The following SKAP1 variants were observed in gnomAD, a reference collection of about 807,000 sequenced individuals.
SKAP1 encodes the protein src kinase associated phosphoprotein 1, also known as src kinase-associated phosphoprotein 1.
In SKAP1, 44 loss-of-function variants were observed where a neutral mutation model predicts 58.5. The ratio of observed to expected loss-of-function variants is 0.75; its 90% CI spans 0.59 to 0.97. The LOEUF is 0.97. Ranked by LOEUF, SKAP1 falls within the 50% of genes least tolerant of loss-of-function variation. The pLI, the probability that SKAP1 is intolerant of heterozygous loss-of-function variation, is 0.00. For missense variants in SKAP1, 390 were observed against 435.2 expected, an observed-to-expected ratio of 0.90 and a Z score of 0.92; for synonymous variants, 127 against 149.7, an observed-to-expected ratio of 0.85 and a Z score of 1.11.
intron 4 of SKAP1, among the ~76,000 whole-genome samples, chr17:48,243,605 T>G (rs2065264473): frequency 6.6e-6 from 1 of 152,174 alleles, no homozygotes; most frequent in Admixed American, 6.5e-5. Flanking sequence ...TTGTGCTGAT[T>G]GTTTGAGCAT....
intron 4 of SKAP1, among the ~76,000 whole-genome samples, chr17:48,221,170 G>A (rs1194696522): frequency 6.6e-6 from 1 of 151,940 alleles, no homozygotes; most frequent in African/African-American, 2.4e-5. Context: ...AGGAGGCTGA[G>A]GCAGGAGAAG....
At position 48,291,412 on chromosome 17, in the gene SKAP1, A is replaced by G. The variant is rs186432640; in HGVS notation, c.280+54493T>C. Among the ~76,000 whole-genome samples, 53 of 152,286 alleles carry G rather than the reference A, an allele frequency of 3.5e-4. No homozygotes were observed. The East Asian group carries it at 9.3e-3, about 27-fold the overall frequency. On this transcript the variant is annotated intron_variant, in intron 4 of 12. Coordinates refer to ENST00000336915, the MANE Select transcript of SKAP1 (RefSeq NM_003726.4). The stretch of plus-strand genomic sequence containing the variant: ...CTGCCTCATCTATTCTGCTTCATCT[A>G]TTCTCTTGCTGAGGACATTCTATAT...
chr17:48,439,744 C>A, the SKAP1 span, among the ~76,000 whole-genome samples: 1 of 152,184 alleles, frequency 6.6e-6, no homozygotes, highest in East Asian at 1.9e-4. Flanking sequence ...GGGGCTTCCC[C>A]AGCTCCATAT....
At chr17:48,146,264 G>A (rs1252314247) in intron 11 of SKAP1, among the ~76,000 whole-genome samples, 5 of 151,986 alleles carry the variant, frequency 3.3e-5, no homozygotes, top group East Asian at 1.9e-4. Flanking sequence ...AGGCTAAGGC[G>A]GGTGGATCAC....
intron 10 of SKAP1, 82 bp from the exon 11 acceptor site, chr17:48,162,651 AG>A: frequency 2.9e-6 from 3 of 1,042,468 alleles, no homozygotes; most frequent in Non-Finnish European, 4.4e-6. Context: ...AATGGAAACC[AG>A]GGTTCTGATA....
intron 4 of SKAP1, among the ~76,000 whole-genome samples, chr17:48,336,114 T>C (rs985457249): frequency 3.3e-5 from 5 of 152,122 alleles, no homozygotes; most frequent in African/African-American, 1.2e-4. Context: ...TCTTTCAAGG[T>C]CTATAAAACC....
chr17:48,270,310 C>A (rs769026327), intron 4 of SKAP1, among the ~76,000 whole-genome samples: 22 of 152,090 alleles, frequency 1.4e-4, no homozygotes, highest in Non-Finnish European at 2.8e-4. Context: ...AAAATCAAGT[C>A]AGTCTTTAAA....
At chr17:48,202,955 G>C (rs952287474) in intron 4 of SKAP1, among the ~76,000 whole-genome samples, 1 of 152,142 alleles carries the variant, frequency 6.6e-6, no homozygotes. Context: ...ATCGGGATGA[G>C]GCAAAGCATC....
At chr17:48,180,683 G>C (rs934593768) in intron 8 of SKAP1, among the ~76,000 whole-genome samples, 3 of 152,226 alleles carry the variant, frequency 2.0e-5, no homozygotes, top group African/African-American at 7.2e-5. Context: ...TCTGTAGGGT[G>C]CTGGAGCTGT....
At chr17:48,419,923 GC>G (rs1180443538) in intron 1 of SKAP1, among the ~76,000 whole-genome samples, 1 of 152,190 alleles carries the variant, frequency 6.6e-6, no homozygotes, top group Non-Finnish European at 1.5e-5. Context: ...AGGAAGACTT[GC>G]TATCTGGATG....
chr17:48,232,221 C>T (rs185088158), intron 4 of SKAP1, among the ~76,000 whole-genome samples: 131 of 152,336 alleles, frequency 8.6e-4, no homozygotes, highest in Middle Eastern at 3.4e-3. Flanking sequence ...GCAAATGGGA[C>T]TCAGGAATCT....
chr17:48,430,609 C>T (rs1490846258), upstream of SKAP1, among the ~76,000 whole-genome samples: 2 of 152,180 alleles, frequency 1.3e-5, no homozygotes, highest in Admixed American at 1.3e-4. Flanking sequence ...CCCTCAATTG[C>T]CGGTCCAGTT....
chr17:48,181,193 A>G (rs2064363389), intron 8 of SKAP1, among the ~76,000 whole-genome samples: 1 of 152,216 alleles, frequency 6.6e-6, no homozygotes, highest in Non-Finnish European at 1.5e-5. Context: ...TTTTGGTGCC[A>G]CCACATACGA....
intron 3 of SKAP1, among the ~76,000 whole-genome samples, chr17:48,357,646 G>A (rs9906658): frequency 0.62 from 93,638 of 151,644 alleles, 29,644 homozygotes; most frequent in African/African-American, 0.76. Context: ...AAAGAAAAAA[G>A]AAGAATCTTT....
rs1176534379 is a variant in SKAP1 at position 48,185,664 on chromosome 17, T to C, written c.443-817A>G. Among the ~76,000 whole-genome samples the C allele has an allele frequency of 3.3e-5, 5 of 152,198 alleles. No homozygotes were observed. In the East Asian group the frequency reaches 9.7e-4, roughly 29 times the overall value. On this transcript the variant is annotated intron_variant, in intron 6 of 12. Coordinates refer to ENST00000336915, the MANE Select transcript of SKAP1 (RefSeq NM_003726.4). ...CATGTGAAATGAATTGCTTAATAAATGCCTTTTGATGATGATAATGATGAC... is the reference window on the plus strand; with the variant it reads ...CATGTGAAATGAATTGCTTAATAAACGCCTTTTGATGATGATAATGATGAC...
chr17:48,240,361 C>T (rs932921922), intron 4 of SKAP1, among the ~76,000 whole-genome samples: 3 of 152,050 alleles, frequency 2.0e-5, no homozygotes, highest in African/African-American at 2.4e-5. Context: ...CTGTAAACAA[C>T]GGACCTCAGG....
intron 4 of SKAP1, among the ~76,000 whole-genome samples, chr17:48,207,695 G>A (rs1280572356): frequency 1.3e-5 from 2 of 152,124 alleles, no homozygotes; most frequent in Non-Finnish European, 2.9e-5. Flanking sequence ...CTTTCCACTG[G>A]AGAGCTGTTT....
In SKAP1 at chr17:48,399,762, C is replaced by CAA. The variant is rs71141990; in HGVS notation, c.47-2979_47-2978dup. ...GGGTGGCAGAGCAAGACTCTTGTCT[C>CAA]AAAAAAAAAAAAAAATTAAAAAGAA... On this transcript the variant is annotated intron_variant, in intron 1 of 12. Coordinates refer to ENST00000336915, the MANE Select transcript of SKAP1 (RefSeq NM_003726.4). 6.7e-3 allele frequency among the ~76,000 whole-genome samples: 903 copies of CAA among 134,194 alleles called. 5 individuals carry two copies. The highest frequency in any genetic ancestry group is 8.3e-3 in the Non-Finnish European group (522 of 62,626). 88.0% of individuals were successfully genotyped at this position (134,194 alleles called of 152,430 possible).
chr17:48,198,231 G>A (rs1331634139), intron 4 of SKAP1, among the ~76,000 whole-genome samples: 3 of 151,908 alleles, frequency 2.0e-5, no homozygotes, highest in Non-Finnish European at 4.4e-5. Flanking sequence ...CGAGACGGGC[G>A]GATCACGAGG....
Sources: gnomAD v4.1 joint callset for allele counts (sites outside exome capture counted in the v4.1 genomes callset) on GRCh38, gnomAD v4.1.1 for gene constraint, MANE v1.5 for transcripts, NCBI Gene and HGNC (gene_info 2026-07-23, HGNC 2026-07-21) for gene names.